BACH2: variants seen among roughly 807,000 people sequenced by gnomAD.
BACH2 encodes transcription regulator protein BACH2.
BACH2 carries 5 observed loss-of-function variants against 61.8 expected under a neutral mutation model. The observed-to-expected ratio is 0.08, with a 90% CI of 0.04 to 0.17. BACH2 has a LOEUF of 0.17. Among genes scored for constraint, BACH2 ranks in the 10% least tolerant of loss-of-function variants. BACH2 has a pLI of 1.00. For missense variants in BACH2, 824 were observed against 1,091.1 expected (o/e 0.76, Z 3.45); for synonymous variants, 446 against 440.1 (o/e 1.01, Z -0.17).
chr6:90,268,215 A>T (rs1771407528), intron 2 of BACH2, among the ~76,000 whole-genome samples: 1 of 152,098 alleles, frequency 6.6e-6, no homozygotes, highest in African/African-American at 2.4e-5. Flanking sequence ...CATGTTGGCC[A>T]AATTTGCCTC....
At chr6:90,247,622 G>A (rs919077690) in intron 3 of BACH2, among the ~76,000 whole-genome samples, 1 of 152,052 alleles carries the variant, frequency 6.6e-6, no homozygotes, top group African/African-American at 2.4e-5. Flanking sequence ...TCTAAACTTA[G>A]AGGAATTCTT....
At chr6:90,264,032 T>C (rs1771247753) in intron 2 of BACH2, among the ~76,000 whole-genome samples, 1 of 152,180 alleles carries the variant, frequency 6.6e-6, no homozygotes, top group Admixed American at 6.5e-5. Context: ...AAGTAAATAT[T>C]TGAAGAAAAT....
At chr6:90,232,478 A>T (rs1472975061) in intron 3 of BACH2, among the ~76,000 whole-genome samples, 2 of 152,260 alleles carry the variant, frequency 1.3e-5, no homozygotes, top group Admixed American at 1.3e-4. Flanking sequence ...AGAAATGTCC[A>T]GTAGATGAAC....
At chr6:89,970,962 A>G (rs1161019763) in intron 6 of BACH2, among the ~76,000 whole-genome samples, 4 of 152,248 alleles carry the variant, frequency 2.6e-5, no homozygotes, top group Non-Finnish European at 4.4e-5. Context: ...AGGTGCAATA[A>G]AAAGGGAATT....
intron 1 of BACH2, among the ~76,000 whole-genome samples, chr6:90,291,580 GTCTT>G (rs1218924785): frequency 7.0e-6 from 1 of 143,674 alleles, no homozygotes; most frequent in East Asian, 2.0e-4. Flanking sequence ...AGCAACTACT[GTCTT>G]TTTTTTTTAA....
Position 90,219,603 on chromosome 6 carries a change from C to T in BACH2, c.-274-12922G>A, listed in dbSNP as rs144654346. 5.0e-3 allele frequency among the ~76,000 whole-genome samples: 754 copies of T among 152,320 alleles called. 3 individuals are homozygous for T. Among genetic ancestry groups the T allele is most frequent in the African/African-American group, 8.9e-3 (369 of 41,560 alleles). Reference sequence around the variant, plus strand: ...AGAATGCACAGCTGTATTGTAAACACGCCAGAGGGCCATTTACCATCCGCG... The same window carrying T: ...AGAATGCACAGCTGTATTGTAAACATGCCAGAGGGCCATTTACCATCCGCG... On this transcript the variant is annotated intron_variant, in intron 3 of 8. Coordinates refer to ENST00000257749, the MANE Select transcript of BACH2 (RefSeq NM_021813.4).
chr6:89,939,659 T>TC lies in BACH2; in HGVS notation c.1837-1310_1837-1309insG, dbSNP rs1554217676. On this transcript the variant is annotated intron_variant, in intron 7 of 8. Transcript: ENST00000257749. Reference sequence around the variant, plus strand: ...TGTTAAATGATTGCTTATATTTCTTTTTTTTTTTTTTTTTTTTTTTTTTGA... The same window carrying TC: ...TGTTAAATGATTGCTTATATTTCTTTCTTTTTTTTTTTTTTTTTTTTTTTGA... Among the ~76,000 whole-genome samples the TC allele has an allele frequency of 7.6e-5, 3 of 39,272 alleles. No individual in the cohort carries two copies. In the East Asian group the frequency reaches 5.0e-3, roughly 66 times the overall value. 25.8% of individuals were successfully genotyped at this position (39,272 alleles called of 152,430 possible).
At chr6:90,019,845 T>G (rs1172586676) in intron 5 of BACH2, among the ~76,000 whole-genome samples, 1 of 152,176 alleles carries the variant, frequency 6.6e-6, no homozygotes, top group Non-Finnish European at 1.5e-5. Context: ...CTCCATATTC[T>G]GCTAACAGGG....
At chr6:89,978,170 T>A (rs1283639532) in intron 6 of BACH2, among the ~76,000 whole-genome samples, 1 of 152,196 alleles carries the variant, frequency 6.6e-6, no homozygotes, top group Non-Finnish European at 1.5e-5. Context: ...ATAGCACTTA[T>A]CATATAGAGT....
chr6:90,011,898 T>G (rs1038557082), intron 5 of BACH2, among the ~76,000 whole-genome samples: 1 of 147,612 alleles, frequency 6.8e-6, no homozygotes, highest in Non-Finnish European at 1.5e-5. Context: ...CCAGCCTGGG[T>G]GACACAGCAA....
chr6:90,211,800 T>C (rs146475776), intron 3 of BACH2, among the ~76,000 whole-genome samples: 109 of 152,196 alleles, frequency 7.2e-4, no homozygotes, highest in African/African-American at 2.4e-3. Context: ...CTGTGGGAGA[T>C]AGATAGGCCA....
At chr6:90,291,149 G>C (rs1165818200) in intron 1 of BACH2, among the ~76,000 whole-genome samples, 2 of 152,168 alleles carry the variant, frequency 1.3e-5, no homozygotes, top group East Asian at 3.8e-4. Context: ...AGTCAACCAG[G>C]GAATATGCTG....
At chr6:90,218,263 A>T (rs937138859) in intron 3 of BACH2, 1 of 152,124 alleles carries the variant, frequency 6.6e-6, no homozygotes, top group Non-Finnish European at 1.5e-5. Flanking sequence ...TGCTCTAAAA[A>T]TTTTTTTAAA....
intron 2 of BACH2, among the ~76,000 whole-genome samples, chr6:90,255,163 T>C (rs1464129518): frequency 4.6e-5 from 7 of 152,210 alleles, no homozygotes; most frequent in Non-Finnish European, 1.0e-4. Context: ...TATCTTAGGC[T>C]TGTTTTATTT....
intron 3 of BACH2, among the ~76,000 whole-genome samples, chr6:90,232,384 T>G (rs1770127095): frequency 6.6e-6 from 1 of 152,244 alleles, no homozygotes; most frequent in Admixed American, 6.5e-5. Context: ...GACAAAGCAT[T>G]GAAATCACCT....
chr6:90,211,126 C>CAAAAAAA (rs3072672), intron 3 of BACH2, among the ~76,000 whole-genome samples: 11 of 45,340 alleles, frequency 2.4e-4, no homozygotes, highest in African/African-American at 7.7e-4. Flanking sequence ...GACTCCATCT[C>CAAAAAAA]AAAAAAAAAA....
At position 90,188,185 on chromosome 6, in the gene BACH2, T is replaced by C. The variant is rs140506258; in HGVS notation, c.-162+18384A>G. Among the ~76,000 whole-genome samples the C allele has an allele frequency of 1.4e-3, 220 of 152,394 alleles. 3 individuals are homozygous for C. The highest frequency in any genetic ancestry group is 0.013 in the Admixed American group (200 of 15,310). On this transcript the variant is annotated intron_variant, in intron 4 of 8. Transcript: ENST00000257749. ...CCAGCAGCCAGCTGTTTGCTTTTGATATAAATGTGTTCTAATTTCTAAAAT... is the reference window on the plus strand; with the variant it reads ...CCAGCAGCCAGCTGTTTGCTTTTGACATAAATGTGTTCTAATTTCTAAAAT...
chr6:90,077,155 G>A (rs1781508160), intron 5 of BACH2, among the ~76,000 whole-genome samples: 1 of 152,134 alleles, frequency 6.6e-6, no homozygotes, highest in Non-Finnish European at 1.5e-5. Context: ...TGTATCCACA[G>A]GATGCATTTC....
At chr6:90,148,760 A>T (rs531146058) in intron 4 of BACH2, among the ~76,000 whole-genome samples, 2 of 152,252 alleles carry the variant, frequency 1.3e-5, no homozygotes, top group African/African-American at 4.8e-5. Flanking sequence ...TGGTAAAATT[A>T]TAAGTGTTTT....
Sources: allele counts gnomAD v4.1 joint callset (sites outside exome capture counted in the v4.1 genomes callset), GRCh38; gene constraint gnomAD v4.1.1; transcripts MANE v1.5; gene names NCBI Gene and HGNC (gene_info 2026-07-23, HGNC 2026-07-21).